Variants in CSMD3 observed in about 807,000 individuals in gnomAD.
CSMD3 encodes the protein CUB and Sushi multiple domains 3.
Under a neutral mutation model 435.2 loss-of-function variants are expected in CSMD3, and 177 were observed. The observed-to-expected ratio is 0.41, with a 90% CI of 0.36 to 0.46. The LOEUF (loss-of-function observed/expected upper bound fraction) is 0.46. Ranked by LOEUF, CSMD3 falls within the 20% of genes least tolerant of loss-of-function variation. The pLI is 0.34. For missense variants in CSMD3, 4,265 were observed against 4,504.6 expected (o/e 0.95, Z 1.52); for synonymous variants, 1,656 against 1,520.5 (o/e 1.09, Z -2.07).
intron 33 of CSMD3, 38 bp from the exon 34 acceptor site, chr8:112,408,451 T>C (rs1303517157): frequency 1.6e-6 from 2 of 1,245,022 alleles, no homozygotes; most frequent in African/African-American, 1.5e-5. Context: ...TCATAAATAA[T>C]TTTCATTCAG....
chr8:112,390,621 T>A, intron 36 of CSMD3, 43 bp downstream of exon 36: 1 of 1,527,524 alleles, frequency 6.5e-7, no homozygotes, highest in South Asian at 1.1e-5. Context: ...AAAGATTAAC[T>A]ACACACATAC....
intron 4 of CSMD3, among the ~76,000 whole-genome samples, chr8:113,146,524 G>A (rs1454430799): frequency 1.3e-5 from 2 of 151,472 alleles, no homozygotes; most frequent in African/African-American, 4.8e-5. Flanking sequence ...TCAGGATTGG[G>A]ACCTAATTTG....
chr8:112,423,075 G>T (rs2130304212), intron 32 of CSMD3, among the ~76,000 whole-genome samples: 1 of 152,182 alleles, frequency 6.6e-6, no homozygotes, highest in South Asian at 2.1e-4. Context: ...ACATTGATTT[G>T]CACTAGCAGA....
chr8:112,808,183 G>A (rs2079137691), intron 12 of CSMD3, among the ~76,000 whole-genome samples: 1 of 152,114 alleles, frequency 6.6e-6, no homozygotes, highest in Non-Finnish European at 1.5e-5. Flanking sequence ...TCTACAAAAA[G>A]TAAGATATTT....
chr8:112,642,881 T>C (rs1206989031), intron 20 of CSMD3, among the ~76,000 whole-genome samples: 2 of 152,210 alleles, frequency 1.3e-5, no homozygotes, highest in East Asian at 3.9e-4. Context: ...AATACTGTCT[T>C]CTTCAATGAA....
chr8:113,432,821 GA>G (rs1273129080), intron 1 of CSMD3, among the ~76,000 whole-genome samples: 31 of 152,292 alleles, frequency 2.0e-4, no homozygotes, highest in African/African-American at 6.3e-4. Context: ...GGAGTCCTGG[GA>G]ACATTAAAGC....
At chr8:113,389,216 C>A (rs2094451496) in intron 1 of CSMD3, among the ~76,000 whole-genome samples, 1 of 151,562 alleles carries the variant, frequency 6.6e-6, no homozygotes, top group Non-Finnish European at 1.5e-5. Context: ...TATTCTCTTG[C>A]ACTTTAAATT....
At chr8:112,666,155 T>G (rs2075519398) in intron 17 of CSMD3, 122 bp downstream of exon 17, 2 of 827,090 alleles carry the variant, frequency 2.4e-6, no homozygotes, top group African/African-American at 3.4e-5. Context: ...ATGGAAGCAT[T>G]CAAAGCACAG....
At chr8:113,373,557 T>C (rs2094360055) in intron 1 of CSMD3, among the ~76,000 whole-genome samples, 1 of 152,026 alleles carries the variant, frequency 6.6e-6, no homozygotes, top group African/African-American at 2.4e-5. Context: ...TAAATACACA[T>C]ATATACATTT....
intron 59 of CSMD3, among the ~76,000 whole-genome samples, chr8:112,280,331 T>A (rs1235328149): frequency 6.6e-6 from 1 of 152,038 alleles, no homozygotes. Context: ...AGTGCAGTGT[T>A]ACATTCGGAG....
chr8:112,893,994 G>A (rs2081877968), intron 10 of CSMD3, among the ~76,000 whole-genome samples: 1 of 151,372 alleles, frequency 6.6e-6, no homozygotes, highest in Non-Finnish European at 1.5e-5. Flanking sequence ...AAATAAATAA[G>A]AGAGACTCCC....
rs987674667 is a variant in CSMD3, at chr8:112,343,588, C to T, written c.6443-1902G>A. On this transcript the variant is annotated intron_variant, in intron 41 of 70. Transcript: ENST00000297405. ...TTGTTTACCTGGAATTTCTTTCACA[C>T]GTCCTGCAGCAGACTGACATTCTTT... Among the ~76,000 whole-genome samples the T allele has an allele frequency of 9.1e-4, 139 of 152,170 alleles. 6 individuals carry two copies. Among genetic ancestry groups the T allele is most frequent in the African/African-American group, 3.9e-4 (16 of 41,446 alleles).
chr8:112,682,642 G>C lies in CSMD3; in HGVS notation c.2483-6C>G, dbSNP rs2131787444. The stretch of plus-strand genomic sequence containing the variant: ...GCATTCATTATGTCCAAATGCTTTA[G>C]AATAATATGCAAAGAAAAATACACA... On this transcript the variant is annotated splice_region_variant and splice_polypyrimidine_tract_variant and intron_variant, in intron 15 of 70. Transcript: ENST00000297405. The C allele has an allele frequency of 6.3e-7, 1 of 1,592,168 alleles. No individual in the cohort carries two copies. The highest frequency in any genetic ancestry group is 8.6e-7 in the Non-Finnish European group (1 of 1,160,184).
At chr8:112,334,568 G>A (rs1824386041) in intron 45 of CSMD3, among the ~76,000 whole-genome samples, 1 of 152,138 alleles carries the variant, frequency 6.6e-6, no homozygotes, top group African/African-American at 2.4e-5. Flanking sequence ...GAGGCAGAAT[G>A]TGTTATAATG....
At chr8:112,779,585 T>C (rs560555419) in intron 13 of CSMD3, among the ~76,000 whole-genome samples, 102 of 151,938 alleles carry the variant, frequency 6.7e-4, no homozygotes, top group African/African-American at 2.4e-3. Context: ...GTGAAAAAAA[T>C]AGTTGTGTTA....
rs1293941311 is a variant in CSMD3, at chr8:112,824,670, T to C, written c.1859+5016A>G. 2.0e-5 allele frequency among the ~76,000 whole-genome samples: 3 copies of C among 152,332 alleles called. No homozygotes were observed. The East Asian group carries it at 5.8e-4, about 29-fold the overall frequency. On this transcript the variant is annotated intron_variant, in intron 12 of 70. Coordinates refer to ENST00000297405, the MANE Select transcript of CSMD3 (RefSeq NM_198123.2). ...GGCTTGTAGGGTTTCTGCTGAGAGA[T>C]CCACTGTTAGTCTGATGGGCTTCCC...
At chr8:112,587,366 CTTT>C in intron 22 of CSMD3, 131 bp from the exon 23 acceptor site, 1 of 675,894 alleles carries the variant, frequency 1.5e-6, no homozygotes, top group Non-Finnish European at 2.6e-6. Flanking sequence ...TACAGAATGG[CTTT>C]ATGTTGTAAA....
chr8:112,518,408 T>A (rs997064450), intron 27 of CSMD3, among the ~76,000 whole-genome samples: 1 of 152,032 alleles, frequency 6.6e-6, no homozygotes, highest in Non-Finnish European at 1.5e-5. Context: ...CTTGAGAGGC[T>A]GAGTTGAGAG....
rs2130948751 is a variant in CSMD3 at position 112,335,456 on chromosome 8, A to T, written c.7038T>A (p.Asn2346Lys). 1 of 1,614,012 alleles carries T rather than the reference A, an allele frequency of 6.2e-7. No individual in the cohort carries two copies. Among genetic ancestry groups the T allele is most frequent in the Non-Finnish European group, 8.5e-7 (1 of 1,179,954 alleles). ...CACTGAACTGACCGATCTGAGGTGA[A>T]TTTTGGTCTGGTCCATCCCTATGAG... ...FITVWDGPDQNSPQIGQFSGN... is the reference protein window; with the variant it reads ...FITVWDGPDQKSPQIGQFSGN... The change falls in exon 45 of 71, where the codon AAT becomes AAA. Residue 2346 changes from asparagine (N) to lysine (K), a missense_variant. Physicochemically the swap from Asn to Lys is moderately conservative, Grantham distance 94. Coordinates refer to ENST00000297405, the MANE Select transcript of CSMD3 (RefSeq NM_198123.2).
Sources: allele counts gnomAD v4.1 joint callset (sites outside exome capture counted in the v4.1 genomes callset), GRCh38; gene constraint gnomAD v4.1.1; transcripts MANE v1.5; gene names NCBI Gene and HGNC (gene_info 2026-07-23, HGNC 2026-07-21).